The following CDH12 variants were observed in gnomAD, a reference collection of about 807,000 sequenced individuals.
CDH12 encodes the protein cadherin 12, also known as cadherin-12.
A neutral mutation model predicts 74.1 loss-of-function variants in CDH12; 41 were observed. The observed-to-expected ratio is 0.55, with a 90% CI of 0.43 to 0.72. The LOEUF is 0.72. Ranked by LOEUF, CDH12 falls within the 30% of genes least tolerant of loss-of-function variation. CDH12 has a pLI of 0.00. For synonymous variants in CDH12, 399 were observed against 355.0 expected, an observed-to-expected ratio of 1.12 and a Z score of -1.39; for missense variants, 945 against 977.2, an observed-to-expected ratio of 0.97 and a Z score of 0.44.
Position 21,751,585 on chromosome 5 carries a change from G to T in CDH12, c.*152C>A. On this transcript the variant is annotated 3_prime_UTR_variant, in exon 15 of 15. Transcript: ENST00000382254. ...AATTTAGTAACTTACTAGAAACCAG[G>T]TAATCAAAGGAATCTTGTCCCAGAG... 1 of 650,854 alleles carries T rather than the reference G, an allele frequency of 1.5e-6. No homozygotes were observed. Among genetic ancestry groups the T allele is most frequent in the Non-Finnish European group, 2.6e-6 (1 of 391,978 alleles). 40.3% of individuals were successfully genotyped at this position (650,854 alleles called of 1,614,324 possible). A position where few individuals can be genotyped will look rare whatever the true frequency, so the allele number is the denominator to read the frequency against.
At chr5:22,556,901 C>A (rs1738824915) in intron 1 of CDH12, among the ~76,000 whole-genome samples, 1 of 152,014 alleles carries the variant, frequency 6.6e-6, no homozygotes, top group African/African-American at 2.4e-5. Flanking sequence ...GACAGAGCCC[C>A]TATCTTTCAA....
At chr5:22,038,732 T>C (rs891625605) in intron 5 of CDH12, among the ~76,000 whole-genome samples, 1 of 152,142 alleles carries the variant, frequency 6.6e-6, no homozygotes, top group Non-Finnish European at 1.5e-5. Context: ...AGAGAAGACA[T>C]GATTCCCAGT....
chr5:21,787,467 C>G (rs1466387144), intron 10 of CDH12, among the ~76,000 whole-genome samples: 2 of 152,072 alleles, frequency 1.3e-5, no homozygotes, highest in African/African-American at 4.8e-5. Flanking sequence ...CTTTTTTGGG[C>G]ATAATTCCAT....
chr5:22,006,809 T>C (rs912218982), intron 5 of CDH12, among the ~76,000 whole-genome samples: 25 of 152,204 alleles, frequency 1.6e-4, no homozygotes, highest in African/African-American at 6.0e-4. Flanking sequence ...AGGTAATGCA[T>C]GTGAAGTGTT....
chr5:22,591,844 A>G (rs1033210641), intron 1 of CDH12, among the ~76,000 whole-genome samples: 7 of 152,072 alleles, frequency 4.6e-5, no homozygotes, highest in African/African-American at 1.7e-4. Context: ...TTGGCATTAC[A>G]TTTTCTTTAC....
At chr5:22,246,120 A>G (rs972763310) in intron 3 of CDH12, among the ~76,000 whole-genome samples, 32 of 152,152 alleles carry the variant, frequency 2.1e-4, no homozygotes, top group Middle Eastern at 3.2e-3. Context: ...AAAATTATAC[A>G]GTGGATATTT....
intron 6 of CDH12, among the ~76,000 whole-genome samples, chr5:21,868,096 C>T (rs1751427311): frequency 6.6e-6 from 1 of 152,100 alleles, no homozygotes; most frequent in Non-Finnish European, 1.5e-5. Flanking sequence ...ACATGCCTTT[C>T]ACCGTCCACC....
intron 1 of CDH12, among the ~76,000 whole-genome samples, chr5:22,727,104 T>A (rs991413899): frequency 6.6e-6 from 1 of 151,768 alleles, no homozygotes; most frequent in Non-Finnish European, 1.5e-5. Flanking sequence ...TTAGCTGAAT[T>A]ATGAACATAA....
At chr5:21,800,570 A>G (rs1747055073) in intron 10 of CDH12, among the ~76,000 whole-genome samples, 1 of 152,188 alleles carries the variant, frequency 6.6e-6, no homozygotes, top group African/African-American at 2.4e-5. Context: ...TGCTGAAAAG[A>G]AAGCCGGTCT....
chr5:22,312,973 C>T (rs773249217), intron 3 of CDH12, among the ~76,000 whole-genome samples: 3 of 152,282 alleles, frequency 2.0e-5, no homozygotes, highest in East Asian at 1.9e-4. Context: ...TTTAACAGCA[C>T]GCTTGTTATT....
intron 1 of CDH12, among the ~76,000 whole-genome samples, chr5:22,603,960 G>T (rs979430352): frequency 6.6e-6 from 1 of 152,202 alleles, no homozygotes; most frequent in African/African-American, 2.4e-5. Context: ...AGGCCAGAGA[G>T]AGAGAAGCAT....
At chr5:22,656,354 A>G (rs1740035120) in intron 1 of CDH12, among the ~76,000 whole-genome samples, 1 of 152,218 alleles carries the variant, frequency 6.6e-6, no homozygotes, top group Admixed American at 6.5e-5. Flanking sequence ...AAAATATGCA[A>G]AAGACATGAA....
At chr5:22,338,875 A>C (rs556382860) in intron 3 of CDH12, among the ~76,000 whole-genome samples, 1 of 152,326 alleles carries the variant, frequency 6.6e-6, no homozygotes, top group South Asian at 2.1e-4. Context: ...TGAGTAGGAC[A>C]ATGTGGAAGG....
chr5:22,460,679 A>G (rs1427764202), intron 2 of CDH12, among the ~76,000 whole-genome samples: 1 of 148,376 alleles, frequency 6.7e-6, no homozygotes, highest in African/African-American at 2.5e-5. Flanking sequence ...TAAATTATGC[A>G]ACTTTTCTAG....
intron 1 of CDH12, among the ~76,000 whole-genome samples, chr5:22,790,251 G>GA (rs553529028): frequency 6.6e-6 from 1 of 151,856 alleles, no homozygotes; most frequent in Non-Finnish European, 1.5e-5. Context: ...TAACAGAGGG[G>GA]AAAAAAATGC....
chr5:21,844,827 A>C (rs1181663130), intron 7 of CDH12, among the ~76,000 whole-genome samples: 1 of 152,170 alleles, frequency 6.6e-6, no homozygotes, highest in African/African-American at 2.4e-5. Flanking sequence ...ATAGAAATAG[A>C]TAGATGGATA....
chr5:22,305,737 A>T (rs1244783549), intron 3 of CDH12, among the ~76,000 whole-genome samples: 1 of 152,162 alleles, frequency 6.6e-6, no homozygotes, highest in Non-Finnish European at 1.5e-5. Flanking sequence ...TGGATTCACC[A>T]CATTCTGCAT....
chr5:22,793,759 T>C (rs1425927339), intron 1 of CDH12, among the ~76,000 whole-genome samples: 1 of 151,980 alleles, frequency 6.6e-6, no homozygotes, highest in Non-Finnish European at 1.5e-5. Flanking sequence ...AACTGTTTTT[T>C]TTTTTTCAAT....
intron 2 of CDH12, among the ~76,000 whole-genome samples, chr5:22,421,274 G>A (rs1743640428): frequency 6.6e-6 from 1 of 152,066 alleles, no homozygotes; most frequent in Admixed American, 6.6e-5. Context: ...GTGCCATGGT[G>A]GTTTGCTGCA....
Sources: gnomAD v4.1 joint callset for allele counts (sites outside exome capture counted in the v4.1 genomes callset) on GRCh38, gnomAD v4.1.1 for gene constraint, MANE v1.5 for transcripts, NCBI Gene and HGNC (gene_info 2026-07-23, HGNC 2026-07-21) for gene names.